WIF1: variants seen among roughly 807,000 people sequenced by gnomAD.
WIF1 encodes the protein Wnt inhibitory factor 1.
A neutral mutation model predicts 53.5 loss-of-function variants in WIF1; 35 were observed. The ratio of observed to expected loss-of-function variants is 0.65; its 90% CI spans 0.50 to 0.87. The LOEUF (loss-of-function observed/expected upper bound fraction) is 0.87. Among genes scored for constraint, WIF1 ranks in the 40% least tolerant of loss-of-function variants. The pLI, the probability that WIF1 is intolerant of heterozygous loss-of-function variation, is 0.00. For missense variants in WIF1, 467 were observed against 476.8 expected, an observed-to-expected ratio of 0.98 and a Z score of 0.19; for synonymous variants, 171 against 170.4, an observed-to-expected ratio of 1.00 and a Z score of -0.03.
At chr12:65,097,351 T>C (rs1883221245) in intron 2 of WIF1, among the ~76,000 whole-genome samples, 1 of 152,170 alleles carries the variant, frequency 6.6e-6, no homozygotes, top group Admixed American at 6.5e-5. Context: ...TCTACCTCCA[T>C]TTCAAAATTG....
rs1057128459 is a variant in WIF1, at chr12:65,050,995, G to T, written c.*354C>A. 4.2e-6 allele frequency: 1 copy of T among 239,688 alleles called. No individual in the cohort carries two copies. Among genetic ancestry groups the T allele is most frequent in the East Asian group, 6.0e-5 (1 of 16,598 alleles). The allele number at this position is 239,688 out of a possible 1,614,324, so 14.8% of individuals were successfully genotyped here. Reference sequence around the variant, plus strand: ...CACCATCCAAATTCTTGTGACTTACGCATTTTTGCCCAATTTAACCTTTCT... The same window carrying T: ...CACCATCCAAATTCTTGTGACTTACTCATTTTTGCCCAATTTAACCTTTCT... On this transcript the variant is annotated 3_prime_UTR_variant, in exon 10 of 10. Coordinates refer to ENST00000286574, the MANE Select transcript of WIF1 (RefSeq NM_007191.5).
Position 65,121,272 on chromosome 12 carries a change from G to A in WIF1, c.-81C>T. 2 of 1,339,336 alleles carry A rather than the reference G, an allele frequency of 1.5e-6. No individual in the cohort carries two copies. The highest frequency in any genetic ancestry group is 1.9e-6 in the Non-Finnish European group (2 of 1,039,564). The allele number at this position is 1,339,336 out of a possible 1,614,324, so 83.0% of individuals were successfully genotyped here. A position where few individuals can be genotyped will look rare whatever the true frequency, so the allele number is the denominator to read the frequency against. ...CTGGCGCCGTCAGATACTCTGCTGC[G>A]CTGCAGCTCCCTCAGCCAGGGCTGT... On this transcript the variant is annotated 5_prime_UTR_variant, in exon 1 of 10. Coordinates refer to ENST00000286574, the MANE Select transcript of WIF1 (RefSeq NM_007191.5).
At chr12:65,118,211 A>G (rs1352516301) in intron 2 of WIF1, among the ~76,000 whole-genome samples, 2 of 152,236 alleles carry the variant, frequency 1.3e-5, no homozygotes, top group African/African-American at 4.8e-5. Flanking sequence ...TAATCAGATA[A>G]TGAAATGAAA....
intron 7 of WIF1, among the ~76,000 whole-genome samples, chr12:65,060,120 TG>T (rs576525798): frequency 4.0e-4 from 61 of 152,312 alleles, no homozygotes; most frequent in African/African-American, 1.4e-3. Context: ...TGTAAAATGA[TG>T]CAACTGCTTT....
intron 2 of WIF1, among the ~76,000 whole-genome samples, chr12:65,078,715 C>G (rs1882901482): frequency 6.6e-6 from 1 of 152,128 alleles, no homozygotes; most frequent in African/African-American, 2.4e-5. Context: ...AGACAACAAG[C>G]CATAAACCTT....
At chr12:65,087,260 T>TCTCTC (rs1883053900) in intron 2 of WIF1, among the ~76,000 whole-genome samples, 1 of 152,196 alleles carries the variant, frequency 6.6e-6, no homozygotes, top group South Asian at 2.1e-4. Flanking sequence ...TTCATGCATT[T>TCTCTC]CACATGGTGG....
At chr12:65,059,712 C>T (rs1256969718) in intron 7 of WIF1, among the ~76,000 whole-genome samples, 1 of 151,698 alleles carries the variant, frequency 6.6e-6, no homozygotes, top group African/African-American at 2.4e-5. Context: ...AGTGCAGTGG[C>T]TCAACCTTGG....
At chr12:65,098,290 T>C (rs1883233786) in intron 2 of WIF1, among the ~76,000 whole-genome samples, 1 of 152,178 alleles carries the variant, frequency 6.6e-6, no homozygotes, top group Non-Finnish European at 1.5e-5. Flanking sequence ...TCTTGGAATG[T>C]CCATAATAAG....
intron 6 of WIF1, among the ~76,000 whole-genome samples, chr12:65,066,417 T>C (rs999884739): frequency 5.9e-5 from 9 of 152,130 alleles, no homozygotes; most frequent in Non-Finnish European, 1.3e-4. Context: ...AGAGCTGCCC[T>C]GCCCACTGAC....
intron 1 of WIF1, 51 bp downstream of exon 1, chr12:65,120,993 T>G: frequency 7.2e-7 from 1 of 1,391,072 alleles, no homozygotes; most frequent in Admixed American, 3.2e-5. Context: ...TCTTGAAGAG[T>G]GGAGAGAGGA....
chr12:65,063,185 G>A (rs1328939630), intron 6 of WIF1, among the ~76,000 whole-genome samples: 1 of 152,148 alleles, frequency 6.6e-6, no homozygotes, highest in Non-Finnish European at 1.5e-5. Flanking sequence ...AGGGACCAGA[G>A]GATGATGAAG....
chr12:65,118,738 A>G (rs1345536591), intron 2 of WIF1, among the ~76,000 whole-genome samples: 1 of 152,272 alleles, frequency 6.6e-6, no homozygotes, highest in Non-Finnish European at 1.5e-5. Flanking sequence ...CAGTATGCCA[A>G]TATTTGCAAA....
chr12:65,093,271 G>A (rs559886951), intron 2 of WIF1, among the ~76,000 whole-genome samples: 1 of 152,232 alleles, frequency 6.6e-6, no homozygotes, highest in Admixed American at 6.5e-5. Context: ...TACACATGAT[G>A]GCATTTTGCT....
intron 2 of WIF1, among the ~76,000 whole-genome samples, chr12:65,119,205 T>C (rs771134197): frequency 6.6e-6 from 1 of 152,194 alleles, no homozygotes; most frequent in African/African-American, 2.4e-5. Context: ...AAGAGGGACT[T>C]GTAGGGAGAA....
rs1882875107 is a variant in WIF1 at position 65,077,235 on chromosome 12, A to G, written c.397+511T>C. 5.9e-5 allele frequency among the ~76,000 whole-genome samples: 9 copies of G among 152,344 alleles called. No individual in the cohort carries two copies. The South Asian group carries it at 1.4e-3, about 25-fold the overall frequency. On this transcript the variant is annotated intron_variant, in intron 3 of 9. Transcript: ENST00000286574. ...AAGCTTTAAACAAATATCACATACT[A>G]TTATTTTCTTAGCAAAGAAGGATGA...
At chr12:65,070,817 T>C (rs1882761458) in intron 3 of WIF1, among the ~76,000 whole-genome samples, 1 of 152,158 alleles carries the variant, frequency 6.6e-6, no homozygotes, top group African/African-American at 2.4e-5. Context: ...TCATCTTCAT[T>C]TCTGCTTGCC....
rs1253482498 is a variant in WIF1 at position 65,068,924 on chromosome 12, A to G, written c.398-20T>C. On this transcript the variant is annotated intron_variant, in intron 3 of 9. Coordinates refer to ENST00000286574, the MANE Select transcript of WIF1 (RefSeq NM_007191.5). ...GAACAACTAAAAGAAAAAAAGAGAA[A>G]GTGTGGAGAAATAGTTAATCTAGTT... is the stretch of plus-strand genomic sequence containing the variant. 2 of 1,609,612 alleles carry G rather than the reference A, an allele frequency of 1.2e-6. No individual in the cohort carries two copies. Among genetic ancestry groups the G allele is most frequent in the South Asian group, 1.1e-5 (1 of 90,068 alleles).
intron 2 of WIF1, among the ~76,000 whole-genome samples, chr12:65,107,314 T>C (rs910408890): frequency 2.6e-5 from 4 of 152,206 alleles, no homozygotes; most frequent in Non-Finnish European, 1.5e-5. Context: ...GGGATCCATC[T>C]GGTTATTGTC....
intron 2 of WIF1, among the ~76,000 whole-genome samples, chr12:65,080,856 T>A (rs2136623514): frequency 6.6e-6 from 1 of 152,308 alleles, no homozygotes; most frequent in African/African-American, 2.4e-5. Context: ...TGCTACCCCA[T>A]AATTATATCT....
Sources: gnomAD v4.1 joint callset for allele counts (sites outside exome capture counted in the v4.1 genomes callset) on GRCh38, gnomAD v4.1.1 for gene constraint, MANE v1.5 for transcripts, NCBI Gene and HGNC (gene_info 2026-07-23, HGNC 2026-07-21) for gene names.